SFMBT2: variants seen among roughly 807,000 people sequenced by gnomAD.
SFMBT2 encodes scm-like with four MBT domains protein 2.
SFMBT2 carries 38 observed loss-of-function variants against 110.1 expected under a neutral mutation model. The ratio of observed to expected loss-of-function variants is 0.35; its 90% confidence interval spans 0.27 to 0.45. The LOEUF is 0.45. Ranked by LOEUF, SFMBT2 falls within the 20% of genes least tolerant of loss-of-function variation. The pLI is 1.00. For missense variants in SFMBT2, 1,011 were observed against 1,094.9 expected (o/e 0.92, Z 1.08); for synonymous variants, 425 against 425.4 (o/e 1.00, Z 0.01).
chr10:7,376,943 G>A (rs1282931490), intron 2 of SFMBT2, among the ~76,000 whole-genome samples: 1 of 150,816 alleles, frequency 6.6e-6, no homozygotes, highest in Non-Finnish European at 1.5e-5. Flanking sequence ...GGCCGAGGCG[G>A]GCAAATCACG....
intron 1 of SFMBT2, among the ~76,000 whole-genome samples, chr10:7,399,534 T>C (rs1564475956): frequency 6.6e-6 from 1 of 152,102 alleles, no homozygotes; most frequent in Non-Finnish European, 1.5e-5. Flanking sequence ...GCCCAGCCTA[T>C]CCACCAAATT....
intron 9 of SFMBT2, among the ~76,000 whole-genome samples, chr10:7,228,907 T>C (rs1436844386): frequency 6.6e-6 from 1 of 151,934 alleles, no homozygotes; most frequent in Non-Finnish European, 1.5e-5. Flanking sequence ...AGGACTGAAT[T>C]ATACCTAAGA....
intron 7 of SFMBT2, among the ~76,000 whole-genome samples, chr10:7,252,285 T>C (rs1400602293): frequency 6.6e-6 from 1 of 152,186 alleles, no homozygotes; most frequent in Non-Finnish European, 1.5e-5. Flanking sequence ...CACAGTCATC[T>C]AGCAGACACC....
intron 4 of SFMBT2, among the ~76,000 whole-genome samples, chr10:7,335,038 G>A (rs1209732023): frequency 6.6e-6 from 1 of 152,180 alleles, no homozygotes; most frequent in African/African-American, 2.4e-5. Context: ...GGGGGAAAAG[G>A]AATCTATTTG....
intron 7 of SFMBT2, among the ~76,000 whole-genome samples, chr10:7,274,870 T>A (rs1296542975): frequency 6.6e-6 from 1 of 150,828 alleles, no homozygotes; most frequent in East Asian, 1.9e-4. Context: ...AAAAAAAAAA[T>A]TAGCTCACGA....
chr10:7,201,659 T>G (rs534754734), intron 13 of SFMBT2, among the ~76,000 whole-genome samples: 1 of 152,336 alleles, frequency 6.6e-6, no homozygotes, highest in Admixed American at 6.5e-5. Context: ...ATCAGTGTAT[T>G]TTTATTTACT....
At position 7,172,132 on chromosome 10, in the gene SFMBT2, G is replaced by A. The variant is rs200806561; in HGVS notation, c.2178C>T (p.Ala726=). ...CCTCACTGGCGGTGTCATCGTCCAT[G>A]GCGTCAGCGTCCTCCTCTTCACTTT... The part of the protein sequence containing the change: ...GEESEEEDAD[A]MDDDTASEET... The change falls in exon 19 of 21, where the codon GCC becomes GCT. Residue 726 remains alanine (A), a synonymous_variant. Coordinates refer to ENST00000397167, the MANE Select transcript of SFMBT2 (RefSeq NM_001387889.1). The surrounding 1 kb of genome is among the most constrained non-coding windows in gnomAD (Gnocchi z 4.6). 192 of 1,571,560 alleles carry A rather than the reference G, an allele frequency of 1.2e-4. 2 individuals carry two copies. The South Asian group carries it at 2.1e-3, about 17-fold the overall frequency.
At chr10:7,302,424 C>T (rs1842577754) in intron 4 of SFMBT2, among the ~76,000 whole-genome samples, 1 of 152,270 alleles carries the variant, frequency 6.6e-6, no homozygotes, top group South Asian at 2.1e-4. Context: ...ATAAATGTCA[C>T]TCCACATGCT....
At chr10:7,220,827 T>TTTC (rs200696248) in intron 10 of SFMBT2, among the ~76,000 whole-genome samples, 213 of 108,446 alleles carry the variant, frequency 2.0e-3, no homozygotes, top group East Asian at 8.8e-3. Context: ...CCCTTCCTTC[T>TTTC]TTTTTTTTTT....
At chr10:7,200,152 G>C (rs1250997908) in intron 14 of SFMBT2, among the ~76,000 whole-genome samples, 1 of 152,140 alleles carries the variant, frequency 6.6e-6, no homozygotes, top group African/African-American at 2.4e-5. Context: ...CTCCTAATTT[G>C]CAAGTCACAC....
chr10:7,327,071 G>T (rs1383672889), intron 4 of SFMBT2, among the ~76,000 whole-genome samples: 2 of 149,256 alleles, frequency 1.3e-5, no homozygotes, highest in Non-Finnish European at 3.0e-5. Flanking sequence ...TTTGCCCCCA[G>T]TGCTTCCCTT....
chr10:7,174,699 A>G (rs2131538269), intron 17 of SFMBT2, among the ~76,000 whole-genome samples: 1 of 152,346 alleles, frequency 6.6e-6, no homozygotes, highest in East Asian at 1.9e-4. Flanking sequence ...CATTCACCGT[A>G]CACGGCAAAG....
chr10:7,335,582 AACACACACACACACAC>A (rs3065781), intron 4 of SFMBT2, among the ~76,000 whole-genome samples: 12 of 142,882 alleles, frequency 8.4e-5, no homozygotes, highest in South Asian at 2.3e-4. Context: ...CAGAAACAGA[AACACACACACACACAC>A]ACACACACAC....
chr10:7,402,823 C>T (rs537082445), intron 1 of SFMBT2, among the ~76,000 whole-genome samples: 24 of 152,240 alleles, frequency 1.6e-4, no homozygotes, highest in African/African-American at 5.5e-4. Context: ...CAATAAAAGA[C>T]CAAAAACTAA....
At chr10:7,389,588 A>G (rs2132100849) in intron 1 of SFMBT2, among the ~76,000 whole-genome samples, 1 of 152,318 alleles carries the variant, frequency 6.6e-6, no homozygotes, top group East Asian at 1.9e-4. Flanking sequence ...TCTGTTGGAC[A>G]ACAGAATTCT....
rs76377547 is a variant in SFMBT2 at position 7,232,660 on chromosome 10, A to G, written c.1121-4723T>C. 3.5e-3 allele frequency among the ~76,000 whole-genome samples: 533 copies of G among 152,362 alleles called. 1 individual carries two copies. Among genetic ancestry groups the G allele is most frequent in the African/African-American group, 0.012 (518 of 41,578 alleles). Reference sequence around the variant, plus strand: ...ACCAGAGAAAATGTACAAAAACCTTAATAATAAATATTACAATAATTGTTG... The same window carrying G: ...ACCAGAGAAAATGTACAAAAACCTTGATAATAAATATTACAATAATTGTTG... On this transcript the variant is annotated intron_variant, in intron 9 of 20. Transcript: ENST00000397167.
chr10:7,178,552 C>A (rs1354490310), intron 16 of SFMBT2, among the ~76,000 whole-genome samples: 2 of 152,126 alleles, frequency 1.3e-5, no homozygotes. Context: ...AAATTAAGCT[C>A]CTCGCATCCC....
At position 7,395,329 on chromosome 10, in the gene SFMBT2, T is replaced by C. The variant is rs183508200; in HGVS notation, c.-51-13380A>G. Among the ~76,000 whole-genome samples the C allele has an allele frequency of 1.8e-3, 276 of 152,346 alleles. 1 individual carries two copies. Among genetic ancestry groups the C allele is most frequent in the Admixed American group, 2.9e-3 (44 of 15,312 alleles). On this transcript the variant is annotated intron_variant, in intron 1 of 20. Coordinates refer to ENST00000397167, the MANE Select transcript of SFMBT2 (RefSeq NM_001387889.1). ...TGGAAAAACGTCCTCCCTCAGAATC[T>C]TGAGGGCTTCCCTCCATGGCCGTCT...
chr10:7,334,755 A>G (rs1843666166), intron 4 of SFMBT2, among the ~76,000 whole-genome samples: 1 of 152,178 alleles, frequency 6.6e-6, no homozygotes, highest in Admixed American at 6.5e-5. Context: ...ACTGTCTGCA[A>G]TTGTAACTCG....
Sources: allele counts gnomAD v4.1 joint callset (sites outside exome capture counted in the v4.1 genomes callset), GRCh38; gene constraint gnomAD v4.1.1; non-coding constraint Gnocchi (gnomAD v3.1); transcripts MANE v1.5; gene names NCBI Gene and HGNC (gene_info 2026-07-23, HGNC 2026-07-21).